The following CDC42SE2 variants were observed in gnomAD, a reference collection of about 807,000 sequenced individuals.
CDC42SE2 encodes the protein CDC42 small effector protein 2.
CDC42SE2 carries 3 observed loss-of-function variants against 11.5 expected under a neutral mutation model. That is an observed-to-expected ratio of 0.26 (90% CI 0.12 to 0.67). CDC42SE2 has a LOEUF of 0.67. CDC42SE2 is among the 30% of genes least tolerant of loss of function. The pLI is 0.80. For synonymous variants in CDC42SE2, 33 were observed against 34.8 expected (o/e 0.95, Z 0.18); for missense variants, 82 against 106.8 (o/e 0.77, Z 1.02).
At chr5:131,344,862 C>T (rs1198680240) in intron 2 of CDC42SE2, among the ~76,000 whole-genome samples, 1 of 152,198 alleles carries the variant, frequency 6.6e-6, no homozygotes, top group Non-Finnish European at 1.5e-5. Context: ...GTTCTGCAGC[C>T]TCTGCTGGTG....
chr5:131,278,791 C>CT (rs1163849368), intron 1 of CDC42SE2, among the ~76,000 whole-genome samples: 25 of 51,318 alleles, frequency 4.9e-4, no homozygotes, highest in Middle Eastern at 7.9e-3. Context: ...CCCCTCCCTT[C>CT]TTTTTTTTTT....
At chr5:131,241,129 C>T (rs1580713115), upstream of CDC42SE2, among the ~76,000 whole-genome samples, 1 of 152,170 alleles carries the variant, frequency 6.6e-6, no homozygotes, top group African/African-American at 2.4e-5. Context: ...CAGGCGTCCA[C>T]CACCACGCCC....
intron 3 of CDC42SE2, among the ~76,000 whole-genome samples, chr5:131,367,662 C>G (rs1273180297): frequency 2.0e-5 from 3 of 152,102 alleles, no homozygotes; most frequent in African/African-American, 7.2e-5. Context: ...CTGTTCATGT[C>G]TTTTGTACAT....
chr5:131,372,319 T>C (rs1750032428), intron 3 of CDC42SE2, among the ~76,000 whole-genome samples: 1 of 152,160 alleles, frequency 6.6e-6, no homozygotes, highest in Non-Finnish European at 1.5e-5. Flanking sequence ...TCAGGAGTAC[T>C]TAGCTATAGG....
rs1205696840 is a variant in CDC42SE2, at chr5:131,290,311, T to C, written c.-454-25665T>C. Among the ~76,000 whole-genome samples the C allele has an allele frequency of 2.0e-5, 3 of 152,138 alleles. No individual in the cohort carries two copies. The East Asian group carries it at 5.8e-4, about 29-fold the overall frequency. On this transcript the variant is annotated intron_variant, in intron 1 of 4. Coordinates refer to ENST00000505065, the MANE Select transcript of CDC42SE2 (RefSeq NM_001375635.1). ...AGACCTGTGTACCCCCTGGAAAGTA[T>C]CAAACCTTATACTGGGTTGAGGACT...
At chr5:131,372,074 G>A (rs1254929199) in intron 3 of CDC42SE2, among the ~76,000 whole-genome samples, 5 of 152,104 alleles carry the variant, frequency 3.3e-5, no homozygotes, top group African/African-American at 9.7e-5. Context: ...GTTGGGTGAT[G>A]TCTTCATTGG....
Position 131,264,143 on chromosome 5 carries a change from CG to C in CDC42SE2, c.-475del, listed in dbSNP as rs1292792045. ...GCGCTGAGAGGGGCTGCGGCCGGAG[CG>C]GGCGGCTGAGACAAAGGCGACGGTG... On this transcript the variant is annotated 5_prime_UTR_variant, in exon 1 of 5. Coordinates refer to ENST00000505065, the MANE Select transcript of CDC42SE2 (RefSeq NM_001375635.1). The C allele has an allele frequency of 6.6e-6, 1 of 152,288 alleles. No homozygotes were observed. Among genetic ancestry groups the C allele is most frequent in the African/African-American group, 2.4e-5 (1 of 41,450 alleles). The allele number at this position is 152,288 out of a possible 1,614,324, so 9.4% of individuals were successfully genotyped here.
intron 1 of CDC42SE2, among the ~76,000 whole-genome samples, chr5:131,266,491 G>A (rs1580720137): frequency 7.4e-6 from 1 of 135,364 alleles, no homozygotes; most frequent in Non-Finnish European, 1.5e-5. Flanking sequence ...ACGAAGTCTC[G>A]CTCTGTCACC....
chr5:131,283,707 G>C (rs776347428), intron 1 of CDC42SE2, among the ~76,000 whole-genome samples: 1 of 151,908 alleles, frequency 6.6e-6, no homozygotes, highest in African/African-American at 2.4e-5. Context: ...TGTTCAGGCT[G>C]GTCTTGAACT....
chr5:131,307,882 C>A (rs920837659), intron 1 of CDC42SE2, among the ~76,000 whole-genome samples: 1 of 152,070 alleles, frequency 6.6e-6, no homozygotes, highest in Non-Finnish European at 1.5e-5. Context: ...AAAGTGTCTG[C>A]TCATATCCTT....
At chr5:131,340,834 TGTCTG>T (rs1271327768) in intron 2 of CDC42SE2, among the ~76,000 whole-genome samples, 1 of 152,032 alleles carries the variant, frequency 6.6e-6, no homozygotes, top group Non-Finnish European at 1.5e-5. Context: ...TGTACCACCA[TGTCTG>T]GTTAATTTTT....
rs575683624 is a variant in CDC42SE2 at position 131,291,245 on chromosome 5, A to T, written c.-454-24731A>T. ...AATTTATGTATATGATTTTTTTTTT[A>T]AAAAAGGACTTATTCAGAATGGTGG... On this transcript the variant is annotated intron_variant, in intron 1 of 4. Transcript: ENST00000505065. 1.7e-4 allele frequency among the ~76,000 whole-genome samples: 26 copies of T among 151,782 alleles called. No individual in the cohort carries two copies. The East Asian group carries it at 3.7e-3, about 21-fold the overall frequency.
At chr5:131,260,293 G>T (rs1561563047), upstream of CDC42SE2, among the ~76,000 whole-genome samples, 1 of 152,128 alleles carries the variant, frequency 6.6e-6, no homozygotes, top group Non-Finnish European at 1.5e-5. Flanking sequence ...ATGTTAGAAA[G>T]AACTGCTATA....
intron 2 of CDC42SE2, among the ~76,000 whole-genome samples, chr5:131,258,261 T>C (rs1756694435): frequency 6.6e-6 from 1 of 152,214 alleles, no homozygotes; most frequent in Non-Finnish European, 1.5e-5. Flanking sequence ...CCACAAGCTT[T>C]ATCACCATTA....
At chr5:131,387,573 T>C (rs1425798801) in intron 4 of CDC42SE2, among the ~76,000 whole-genome samples, 2 of 152,108 alleles carry the variant, frequency 1.3e-5, no homozygotes, top group Non-Finnish European at 2.9e-5. Context: ...TCCAACCGTA[T>C]AGGAGGAATT....
chr5:131,376,496 AT>A (rs1242543507), intron 3 of CDC42SE2, among the ~76,000 whole-genome samples: 7 of 152,186 alleles, frequency 4.6e-5, no homozygotes, highest in Middle Eastern at 3.4e-3. Context: ...GTTAATCTTT[AT>A]TTTTTAATTT....
chr5:131,334,277 C>T (rs1758498603), intron 2 of CDC42SE2, among the ~76,000 whole-genome samples: 3 of 152,130 alleles, frequency 2.0e-5, no homozygotes, highest in Non-Finnish European at 4.4e-5. Context: ...TATTGATTTG[C>T]ATATGTTGAA....
chr5:131,359,851 T>C (rs753187765), intron 3 of CDC42SE2, among the ~76,000 whole-genome samples: 3 of 152,138 alleles, frequency 2.0e-5, no homozygotes, highest in Non-Finnish European at 4.4e-5. Flanking sequence ...GTAAAACAGA[T>C]AAATCAGCCT....
At chr5:131,381,875 A>G (rs1017549578) in intron 3 of CDC42SE2, among the ~76,000 whole-genome samples, 2 of 152,142 alleles carry the variant, frequency 1.3e-5, no homozygotes, top group Non-Finnish European at 1.5e-5. Context: ...GTCCTTTACA[A>G]ACTCTATGTG....
Sources: gnomAD v4.1 joint callset for allele counts (sites outside exome capture counted in the v4.1 genomes callset) on GRCh38, gnomAD v4.1.1 for gene constraint, MANE v1.5 for transcripts, NCBI Gene and HGNC (gene_info 2026-07-23, HGNC 2026-07-21) for gene names.